Variants in GRM1 observed in about 807,000 individuals in gnomAD.
GRM1 encodes the protein metabotropic glutamate receptor 1.
GRM1 carries 33 observed loss-of-function variants against 90.9 expected under a neutral mutation model. The ratio of observed to expected loss-of-function variants is 0.36; its 90% CI spans 0.28 to 0.49. The LOEUF (loss-of-function observed/expected upper bound fraction) is 0.49. Among genes scored for constraint, GRM1 ranks in the 20% least tolerant of loss-of-function variants. GRM1 has a pLI of 0.99. For missense variants in GRM1, 1,190 were observed against 1,534.3 expected (o/e 0.78, Z 3.75); for synonymous variants, 700 against 613.2 (o/e 1.14, Z -2.09).
intron 1 of GRM1, among the ~76,000 whole-genome samples, chr6:146,076,474 C>T (rs1475594738): frequency 6.6e-6 from 1 of 152,060 alleles, no homozygotes; most frequent in Non-Finnish European, 1.5e-5. Context: ...TAAAAAGTTA[C>T]TGGATGGATT....
At chr6:146,427,430 T>C (rs1193438893) in intron 7 of GRM1, among the ~76,000 whole-genome samples, 1 of 152,082 alleles carries the variant, frequency 6.6e-6, no homozygotes, top group African/African-American at 2.4e-5. Context: ...GAGTCAAAGG[T>C]ACACATTCCT....
At chr6:146,066,806 T>G (rs1312170814) in intron 1 of GRM1, among the ~76,000 whole-genome samples, 1 of 151,732 alleles carries the variant, frequency 6.6e-6, no homozygotes, top group Non-Finnish European at 1.5e-5. Context: ...ACACAGTAAA[T>G]GCATAGTAAA....
chr6:146,117,775 C>G (rs535899688), intron 1 of GRM1, among the ~76,000 whole-genome samples: 1 of 152,166 alleles, frequency 6.6e-6, no homozygotes, highest in South Asian at 2.1e-4. Flanking sequence ...TGCACATGTA[C>G]AATAGAGCTT....
chr6:146,168,113 A>G (rs549502271), intron 2 of GRM1, among the ~76,000 whole-genome samples: 104 of 152,116 alleles, frequency 6.8e-4, no homozygotes, highest in African/African-American at 2.5e-3. Flanking sequence ...ACATTTTACT[A>G]GAAGAAATAT....
At chr6:146,226,591 A>G (rs1780248045) in intron 2 of GRM1, among the ~76,000 whole-genome samples, 1 of 152,172 alleles carries the variant, frequency 6.6e-6, no homozygotes, top group African/African-American at 2.4e-5. Context: ...TATTAGGAGT[A>G]TAATTGGGTG....
chr6:146,058,112 G>T (rs1432289151), intron 1 of GRM1, among the ~76,000 whole-genome samples: 4 of 152,080 alleles, frequency 2.6e-5, no homozygotes, highest in Non-Finnish European at 5.9e-5. Context: ...GACTTCGGGT[G>T]ATTGTAACAT....
intron 4 of GRM1, among the ~76,000 whole-genome samples, chr6:146,355,659 T>C (rs988041321): frequency 1.3e-5 from 2 of 152,018 alleles, no homozygotes; most frequent in African/African-American, 2.4e-5. Flanking sequence ...CTTGTCTAGA[T>C]TGAAAAACAA....
At chr6:146,279,964 A>ACTAG (rs1782506897) in intron 2 of GRM1, among the ~76,000 whole-genome samples, 1 of 152,108 alleles carries the variant, frequency 6.6e-6, no homozygotes, top group East Asian at 1.9e-4. Context: ...ATGTGGTGGG[A>ACTAG]CTAGGTGTGG....
At chr6:146,307,763 A>G (rs539858641) in intron 3 of GRM1, among the ~76,000 whole-genome samples, 1 of 152,288 alleles carries the variant, frequency 6.6e-6, no homozygotes, top group South Asian at 2.1e-4. Context: ...TGATATTGCT[A>G]TTAGTTTCCA....
chr6:146,181,502 A>G (rs1562513917), intron 2 of GRM1, among the ~76,000 whole-genome samples: 2 of 152,326 alleles, frequency 1.3e-5, no homozygotes, highest in South Asian at 2.1e-4. Flanking sequence ...TGTATTGAAT[A>G]TAAGTTCACT....
intron 5 of GRM1, among the ~76,000 whole-genome samples, chr6:146,370,336 C>T (rs77375062): frequency 0.021 from 3,244 of 152,090 alleles, 109 homozygotes; most frequent in African/African-American, 0.074. Flanking sequence ...GACAGCTCCT[C>T]ATGGGTAGTG....
intron 7 of GRM1, among the ~76,000 whole-genome samples, chr6:146,426,942 C>T (rs1037371371): frequency 6.6e-6 from 1 of 152,046 alleles, no homozygotes; most frequent in Non-Finnish European, 1.5e-5. Context: ...AGTGAATTTT[C>T]CCCCTTCAGA....
intron 3 of GRM1, among the ~76,000 whole-genome samples, chr6:146,351,711 T>C (rs1338452827): frequency 6.6e-6 from 1 of 152,032 alleles, no homozygotes; most frequent in Non-Finnish European, 1.5e-5. Context: ...CCATCAACCG[T>C]ATATAAGAAG....
At chr6:146,249,919 G>C (rs576668467) in intron 2 of GRM1, among the ~76,000 whole-genome samples, 8 of 152,300 alleles carry the variant, frequency 5.3e-5, no homozygotes, top group African/African-American at 1.9e-4. Flanking sequence ...TTGCATTAGT[G>C]TGTCCTGCTG....
At chr6:146,113,473 G>A (rs919574308) in intron 1 of GRM1, among the ~76,000 whole-genome samples, 2 of 152,120 alleles carry the variant, frequency 1.3e-5, no homozygotes, top group African/African-American at 4.8e-5. Flanking sequence ...CTGCATTTAT[G>A]CTGTATAATT....
intron 1 of GRM1, among the ~76,000 whole-genome samples, chr6:146,156,020 C>T (rs949942169): frequency 4.6e-5 from 7 of 152,158 alleles, no homozygotes; most frequent in African/African-American, 1.7e-4. Context: ...TAGGGAAGAG[C>T]TGATATTTAC....
chr6:146,298,106 G>T (rs1268563913), intron 2 of GRM1, among the ~76,000 whole-genome samples: 3 of 152,052 alleles, frequency 2.0e-5, no homozygotes, highest in Admixed American at 6.6e-5. Flanking sequence ...TCACAATTTA[G>T]TCATAACTCA....
At chr6:146,128,922 A>G (rs1048046185) in intron 1 of GRM1, among the ~76,000 whole-genome samples, 1 of 152,164 alleles carries the variant, frequency 6.6e-6, no homozygotes, top group Admixed American at 6.6e-5. Context: ...AAGCTGTAAA[A>G]ACCCTAAGAT....
intron 7 of GRM1, among the ~76,000 whole-genome samples, chr6:146,432,488 A>G (rs1218411969): frequency 6.6e-6 from 1 of 152,198 alleles, no homozygotes; most frequent in Non-Finnish European, 1.5e-5. Context: ...ATAAACCATT[A>G]TTTAAACTAC....
Sources: allele counts gnomAD v4.1 joint callset (sites outside exome capture counted in the v4.1 genomes callset), GRCh38; gene constraint gnomAD v4.1.1; transcripts MANE v1.5; gene names NCBI Gene and HGNC (gene_info 2026-07-23, HGNC 2026-07-21).